ROBO3: variants seen among roughly 807,000 people sequenced by gnomAD.
The protein encoded by ROBO3 is roundabout guidance receptor 3.
Under a neutral mutation model 160.5 loss-of-function variants are expected in ROBO3, and 97 were observed. The observed-to-expected ratio is 0.60, with a 90% CI of 0.51 to 0.72. The LOEUF (loss-of-function observed/expected upper bound fraction) is 0.72, where lower values mean the gene tolerates loss of function less well. Ranked by LOEUF, ROBO3 falls within the 30% of genes least tolerant of loss-of-function variation. The pLI is 0.00. For missense variants in ROBO3, 1,858 were observed against 1,846.5 expected (o/e 1.01, Z -0.11); for synonymous variants, 780 against 746.2 (o/e 1.05, Z -0.74).
Position 124,868,984 on chromosome 11 carries a change from C to A in ROBO3, c.343C>A (p.Arg115Ser). The A allele has an allele frequency of 6.2e-7, 1 of 1,601,628 alleles. No individual in the cohort carries two copies. Among genetic ancestry groups the A allele is most frequent in the East Asian group, 2.3e-5 (1 of 44,318 alleles). ...TGTGCGGGAGGATCCGCGTGCGCAC[C>A]GCCTGCTGCTGCCCAGCGGCGCCCT... ...ATVREDPRAH[R>S]LLLPSGALFF... The change falls in exon 2 of 28, where the codon CGC becomes AGC. Residue 115 changes from arginine (R) to serine (S), a missense_variant. Coordinates refer to ENST00000397801, the MANE Select transcript of ROBO3 (RefSeq NM_022370.4).
chr11:124,876,970 A>T lies in ROBO3; in HGVS notation c.2780-191A>T. ...CAATCTTGGTTGGCTACACATAGGA[A>T]TCACTTGAGGGGCTTGAGAAAAATA... On this transcript the variant is annotated intron_variant, in intron 17 of 27. Transcript: ENST00000397801. The surrounding 1 kb of genome is among the most constrained non-coding windows in gnomAD (Gnocchi z 5.3). 1.4e-6 allele frequency: 1 copy of T among 690,156 alleles called. No individual in the cohort carries two copies. Among genetic ancestry groups the T allele is most frequent in the South Asian group, 1.6e-5 (1 of 62,636 alleles). 42.8% of individuals were successfully genotyped at this position (690,156 alleles called of 1,614,324 possible).
Position 124,878,841 on chromosome 11 carries a change from G to A in ROBO3, c.3533+45G>A, listed in dbSNP as rs370660504. On this transcript the variant is annotated intron_variant, in intron 23 of 27. Transcript: ENST00000397801. The surrounding 1 kb of genome is among the most constrained non-coding windows in gnomAD (Gnocchi z 4.3). ...CTCACTCATTGCAAGCCCTCTATAC[G>A]TATCTACTCAGTAGATGACTGGGTG... 307 of 1,483,546 alleles carry A rather than the reference G, an allele frequency of 2.1e-4. No individual in the cohort carries two copies. Among genetic ancestry groups the A allele is most frequent in the African/African-American group, 2.9e-4 (21 of 72,260 alleles). 91.9% of individuals were successfully genotyped at this position (1,483,546 alleles called of 1,614,324 possible). A position where few individuals can be genotyped will look rare whatever the true frequency, so the allele number is the denominator to read the frequency against.
chr11:124,876,330 G>A lies in ROBO3; in HGVS notation c.2649G>A (p.Arg883=), dbSNP rs2135336105. 2 of 1,438,256 alleles carry A rather than the reference G, an allele frequency of 1.4e-6. No homozygotes were observed. Among genetic ancestry groups the A allele is most frequent in the East Asian group, 2.7e-5 (1 of 36,702 alleles). 89.1% of individuals were successfully genotyped at this position (1,438,256 alleles called of 1,614,324 possible). A position where few individuals can be genotyped will look rare whatever the true frequency, so the allele number is the denominator to read the frequency against. The change falls in exon 17 of 28, where the codon CGG becomes CGA. Residue 883 remains arginine, a synonymous_variant. Transcript: ENST00000397801. This position sits in a 1 kb window ranked among gnomAD's most constrained non-coding sequence, Gnocchi z 5.3. ...GLEVGAGLAV[R]LARVLREPAF... ...AGGTGGGCGCGGGGCTGGCGGTGCG[G>A]CTGGCGAGGGTGCTGCGGGAGCCCG...
chr11:124,877,789 G>A (rs779380189), intron 20 of ROBO3, 131 bp downstream of exon 20: 3 of 1,306,014 alleles, frequency 2.3e-6, no homozygotes, highest in Admixed American at 4.1e-5. Context: ...AGCTGGGGAA[G>A]CCTCTCAGAC....
At position 124,874,162 on chromosome 11, in the gene ROBO3, T is replaced by C; in HGVS notation, c.1877T>C (p.Leu626Pro). The C allele has an allele frequency of 6.2e-7, 1 of 1,613,990 alleles. No individual in the cohort carries two copies. The highest frequency in any genetic ancestry group is 8.5e-7 in the Non-Finnish European group (1 of 1,179,884). ...VSGLQPNTIY[L>P]FLVRAVGAWG... The stretch of plus-strand genomic sequence containing the variant: ...GGTCTGCAGCCCAATACCATCTACC[T>C]GTTTCTGGTTCGAGCAGTGGGAGCC... Residue 626 changes from leucine (L) to proline (P), a missense_variant, in exon 12 of 28, where the codon CTG (leucine) becomes CCG (proline). Coordinates refer to ENST00000397801, the MANE Select transcript of ROBO3 (RefSeq NM_022370.4).
rs752692156 is a variant in ROBO3 at position 124,874,164 on chromosome 11, T to C, written c.1879T>C (p.Phe627Leu). 3.7e-6 allele frequency: 6 copies of C among 1,613,836 alleles called. No individual in the cohort carries two copies. Among genetic ancestry groups the C allele is most frequent in the East Asian group, 4.5e-5 (2 of 44,896 alleles). The change falls in exon 12 of 28, where the codon TTT (phenylalanine) becomes CTT (leucine). Residue 627 changes from phenylalanine (F) to leucine (L), a missense_variant. By Grantham distance (22) the Phe-to-Leu change is conservative. Transcript: ENST00000397801. Reference protein sequence around the residue: ...SGLQPNTIYLFLVRAVGAWGL... With the variant: ...SGLQPNTIYLLLVRAVGAWGL... ...TCTGCAGCCCAATACCATCTACCTG[T>C]TTCTGGTTCGAGCAGTGGGAGCCTG...
At position 124,874,849 on chromosome 11, in the gene ROBO3, G is replaced by C; in HGVS notation, c.2013G>C (p.Val671=). ...GAGGCCAGCAGGGACTGGCGGAAGT[G>C]GCTGTGCGCCTGCAGGAGCCCATAG... The part of the protein sequence containing the change: ...PWRGQQGLAE[V]AVRLQEPIVL... The change falls in exon 13 of 28, where the codon GTG becomes GTC. Residue 671 remains valine, a synonymous_variant. Transcript: ENST00000397801. 1 of 1,601,622 alleles carries C rather than the reference G, an allele frequency of 6.2e-7. No homozygotes were observed. Among genetic ancestry groups the C allele is most frequent in the Non-Finnish European group, 8.5e-7 (1 of 1,174,316 alleles).
At chr11:124,877,855 G>T in intron 20 of ROBO3, 82 bp from the exon 21 acceptor site, 1 of 1,214,768 alleles carries the variant, frequency 8.2e-7, no homozygotes, top group Non-Finnish European at 1.2e-6. Context: ...AGTTGATCCC[G>T]TGGGATTTCC....
chr11:124,875,670 C>A lies in ROBO3; in HGVS notation c.2406C>A (p.Val802=). 6.2e-7 allele frequency: 1 copy of A among 1,608,174 alleles called. No homozygotes were observed. Among genetic ancestry groups the A allele is most frequent in the Non-Finnish European group, 8.5e-7 (1 of 1,177,550 alleles). Residue 802 remains valine, a synonymous_variant, in exon 15 of 28, where the codon GTC becomes GTA. Coordinates refer to ENST00000397801, the MANE Select transcript of ROBO3 (RefSeq NM_022370.4). ...EPPLPSQQNG[V]ITEYQIWCLG... The stretch of plus-strand genomic sequence containing the variant: ...CACTCCCCTCCCAGCAAAATGGGGT[C>A]ATCACGGAATACCAGGTAGAGGGAT...
rs747857135 is a variant in ROBO3, at chr11:124,873,299, C to G, written c.1537-11C>G. The G allele has an allele frequency of 1.2e-6, 2 of 1,604,054 alleles. No individual in the cohort carries two copies. Among genetic ancestry groups the G allele is most frequent in the South Asian group, 2.3e-5 (2 of 88,756 alleles). On this transcript the variant is annotated splice_polypyrimidine_tract_variant and intron_variant, in intron 9 of 27. Transcript: ENST00000397801. The surrounding 1 kb of genome is among the most constrained non-coding windows in gnomAD (Gnocchi z 4.5). ...ACTCTCAGTTTGCCAGTGCTCTGCC[C>G]TCTCTTCCAGGAGATGGACATGGGC...
chr11:124,876,358 T>C lies in ROBO3; in HGVS notation c.2677T>C (p.Phe893Leu). 1 of 1,434,014 alleles carries C rather than the reference T, an allele frequency of 7.0e-7. No individual in the cohort carries two copies. The highest frequency in any genetic ancestry group is 2.9e-5 in the Admixed American group (1 of 34,736). The allele number at this position is 1,434,014 out of a possible 1,614,324, so 88.8% of individuals were successfully genotyped here. ...RLARVLREPA[F>L]LAGSGAACGA... is the part of the protein sequence containing the mutation. ...GGCGAGGGTGCTGCGGGAGCCCGCC[T>C]TCCTCGCGGGCAGCGGCGCAGCCTG... The change falls in exon 17 of 28, where the codon TTC (phenylalanine) becomes CTC (leucine). Residue 893 changes from phenylalanine to leucine, a missense_variant. Transcript: ENST00000397801. The surrounding 1 kb of genome is among the most constrained non-coding windows in gnomAD (Gnocchi z 5.3).
rs780231686 is a variant in ROBO3 at position 124,878,716 on chromosome 11, G to T, written c.3453G>T (p.Gln1151His). 6.2e-7 allele frequency: 1 copy of T among 1,613,838 alleles called. No homozygotes were observed. The highest frequency in any genetic ancestry group is 1.1e-5 in the South Asian group (1 of 91,062). ...CTCCCACACCTTCCTATGGACAGCAGTCCACAGCCACTCTTACACCCTCAC... is the reference window on the plus strand; with the variant it reads ...CTCCCACACCTTCCTATGGACAGCATTCCACAGCCACTCTTACACCCTCAC... ...TPSPTPSYGQ[Q>H]STATLTPSPP... Residue 1151 changes from glutamine to histidine, a missense_variant, in exon 23 of 28, where the codon CAG becomes CAT. Physicochemically the swap from Gln to His is conservative, Grantham distance 24 (BLOSUM62 0). Transcript: ENST00000397801. The surrounding 1 kb of genome is among the most constrained non-coding windows in gnomAD (Gnocchi z 4.3).
chr11:124,877,510 C>G lies in ROBO3; in HGVS notation c.2847-9C>G. ...TCTCCGTCCCCAACGCTCACCTGCT[C>G]TCCCTCAGGCCACCCATGGGCCTTG... On this transcript the variant is annotated splice_polypyrimidine_tract_variant and intron_variant, in intron 19 of 27. Coordinates refer to ENST00000397801, the MANE Select transcript of ROBO3 (RefSeq NM_022370.4). The G allele has an allele frequency of 6.2e-6, 10 of 1,600,852 alleles. No homozygotes were observed. Among genetic ancestry groups the G allele is most frequent in the Non-Finnish European group, 8.5e-6 (10 of 1,174,050 alleles).
At chr11:124,868,199 G>T (rs1228580023) in intron 1 of ROBO3, among the ~76,000 whole-genome samples, 1 of 152,172 alleles carries the variant, frequency 6.6e-6, no homozygotes, top group East Asian at 1.9e-4. Context: ...ATTATCCGGG[G>T]TGTCAGTAAG....
rs2135341787 is a variant in ROBO3 at position 124,877,981 on chromosome 11, G to C, written c.3031G>C (p.Ala1011Pro). The C allele has an allele frequency of 6.2e-7, 1 of 1,610,278 alleles. No homozygotes were observed. Among genetic ancestry groups the C allele is most frequent in the African/African-American group, 1.3e-5 (1 of 74,990 alleles). The change falls in exon 21 of 28, where the codon GCC becomes CCC. Residue 1011 changes from alanine (A) to proline (P), a missense_variant. Physicochemically the swap from Ala to Pro is conservative, Grantham distance 27. Transcript: ENST00000397801. ...LYLAQTARGT[A>P]APGEGPVYST... is the part of the protein sequence containing the mutation. ...TCTAGCTCAGACGGCCAGGGGCACGGCCGCCCCTGGCGAGGGTCCTGTCTA... is the reference window on the plus strand; with the variant it reads ...TCTAGCTCAGACGGCCAGGGGCACGCCCGCCCCTGGCGAGGGTCCTGTCTA...
Position 124,869,137 on chromosome 11 carries a change from C to A in ROBO3, c.487+9C>A. ...CTCGCTGGAAGTGGCAGGTGAGAGT[C>A]AGTTGACCGTCAGCTGGTTGCTTCC... On this transcript the variant is annotated intron_variant, in intron 2 of 27. Coordinates refer to ENST00000397801, the MANE Select transcript of ROBO3 (RefSeq NM_022370.4). This position sits in a 1 kb window ranked among gnomAD's most constrained non-coding sequence, Gnocchi z 4.2. The A allele has an allele frequency of 1.3e-6, 2 of 1,534,884 alleles. No homozygotes were observed. The highest frequency in any genetic ancestry group is 1.3e-5 in the South Asian group (1 of 77,532).
chr11:124,872,241 C>G lies in ROBO3; in HGVS notation c.1159-140C>G. The G allele has an allele frequency of 1.3e-6, 1 of 782,188 alleles. No individual in the cohort carries two copies. Among genetic ancestry groups the G allele is most frequent in the South Asian group, 1.6e-5 (1 of 64,420 alleles). 48.5% of individuals were successfully genotyped at this position (782,188 alleles called of 1,614,324 possible). On this transcript the variant is annotated intron_variant, in intron 7 of 27. Coordinates refer to ENST00000397801, the MANE Select transcript of ROBO3 (RefSeq NM_022370.4). This position sits in a 1 kb window ranked among gnomAD's most constrained non-coding sequence, Gnocchi z 4.3. ...TGTGAATACATTTAACTACTTTGCC[C>G]AAGTTCACATCACTGCTGGAGACAG...
In ROBO3 at chr11:124,873,724, C is replaced by T. The variant is rs2135330723; in HGVS notation, c.1646C>T (p.Pro549Leu). The change falls in exon 11 of 28, where the codon CCT becomes CTT. Residue 549 changes from proline to leucine, a missense_variant. Pro to Leu is a moderately conservative substitution (Grantham distance 98). Coordinates refer to ENST00000397801, the MANE Select transcript of ROBO3 (RefSeq NM_022370.4). The surrounding 1 kb of genome is among the most constrained non-coding windows in gnomAD (Gnocchi z 4.5). ...REDWGVSPDPPTEPSSPPGAP... is the reference protein window; with the variant it reads ...REDWGVSPDPLTEPSSPPGAP... ...GACTGGGGAGTATCACCAGACCCCC[C>T]TACAGAACCCAGTTCCCCTCCGGGG... is the stretch of plus-strand genomic sequence containing the variant. 2 of 1,613,680 alleles carry T rather than the reference C, an allele frequency of 1.2e-6. No homozygotes were observed. Among genetic ancestry groups the T allele is most frequent in the Non-Finnish European group, 1.7e-6 (2 of 1,179,754 alleles).
intron 7 of ROBO3, among the ~76,000 whole-genome samples, chr11:124,871,350 C>CA (rs1483517550): frequency 2.0e-5 from 3 of 152,206 alleles, no homozygotes; most frequent in Non-Finnish European, 4.4e-5. Context: ...GATAATAATA[C>CA]ATTTAGATGG....
Sources: gnomAD v4.1 joint callset for allele counts (sites outside exome capture counted in the v4.1 genomes callset) on GRCh38, gnomAD v4.1.1 for gene constraint, Gnocchi (gnomAD v3.1) non-coding constraint, MANE v1.5 for transcripts, NCBI Gene and HGNC (gene_info 2026-07-23, HGNC 2026-07-21) for gene names.